The following NUDT7 variants were observed in gnomAD, a reference collection of about 807,000 sequenced individuals.
NUDT7 encodes peroxisomal coenzyme A diphosphatase NUDT7.
Under a neutral mutation model 13.1 loss-of-function variants are expected in NUDT7, and 19 were observed. That is an observed-to-expected ratio of 1.45 (90% confidence interval 1.01 to 2.13). The LOEUF (loss-of-function observed/expected upper bound fraction) is 2.13. Among genes scored for constraint, NUDT7 ranks in the 30% most tolerant of loss-of-function variants. NUDT7 has a pLI of 0.00. For synonymous variants in NUDT7, 132 were observed against 109.7 expected (o/e 1.20, Z -1.27); for missense variants, 360 against 291.7 (o/e 1.23, Z -1.71).
At chr16:77,733,530 T>A (rs1014295350) in intron 2 of NUDT7, among the ~76,000 whole-genome samples, 14 of 152,228 alleles carry the variant, frequency 9.2e-5, no homozygotes, top group African/African-American at 3.4e-4. Flanking sequence ...CATGGGAGAA[T>A]AAACATTCAG....
chr16:77,739,138 C>A (rs551948163), intron 3 of NUDT7, among the ~76,000 whole-genome samples: 3 of 152,286 alleles, frequency 2.0e-5, no homozygotes, highest in South Asian at 2.1e-4. Flanking sequence ...CTCACTGTTA[C>A]CAGATAGGGG....
chr16:77,733,421 C>G (rs536879782), intron 2 of NUDT7, among the ~76,000 whole-genome samples: 5 of 152,194 alleles, frequency 3.3e-5, no homozygotes, highest in Non-Finnish European at 5.9e-5. Flanking sequence ...GGGCATTCAT[C>G]TCATTGATGA....
At chr16:77,732,023 T>C (rs1003885479) in intron 2 of NUDT7, among the ~76,000 whole-genome samples, 6 of 152,076 alleles carry the variant, frequency 3.9e-5, no homozygotes, top group African/African-American at 1.4e-4. Context: ...TACAGTTAAT[T>C]TATTATTTAA....
rs2014464900 is a variant in NUDT7 at position 77,735,883 on chromosome 16, A to T, written c.245A>T (p.Asp82Val). The change falls in exon 3 of 4, where the codon GAC becomes GTC. Residue 82 changes from aspartate (D) to valine (V), a missense_variant. By Grantham distance (152) the Asp-to-Val change is radical. Transcript: ENST00000268533. ...CFPGGKRDPT[D>V]MDDAATALRE... The stretch of plus-strand genomic sequence containing the variant: ...CCTGGAGGTAAGCGTGACCCTACAG[A>T]CATGGATGATGCAGCCACAGCTCTC... 6.2e-7 allele frequency: 1 copy of T among 1,614,098 alleles called. No individual in the cohort carries two copies. Among genetic ancestry groups the T allele is most frequent in the East Asian group, 2.2e-5 (1 of 44,880 alleles).
intron 2 of NUDT7, among the ~76,000 whole-genome samples, chr16:77,728,709 G>A (rs766840204): frequency 6.6e-6 from 1 of 152,112 alleles, no homozygotes; most frequent in Non-Finnish European, 1.5e-5. Context: ...CTATGTTTTC[G>A]TTATCTCCTT....
At chr16:77,741,396 T>G (rs1008722364) in intron 3 of NUDT7, 186 bp from the exon 4 acceptor site, 1 of 563,050 alleles carries the variant, frequency 1.8e-6, no homozygotes, top group Non-Finnish European at 3.1e-6. Flanking sequence ...CTCATAGATG[T>G]CACCTCAGGT....
At chr16:77,738,725 CCTATGTATGTACCCG>C (rs2014566914) in intron 3 of NUDT7, among the ~76,000 whole-genome samples, 1 of 152,186 alleles carries the variant, frequency 6.6e-6, no homozygotes, top group South Asian at 2.1e-4. Flanking sequence ...TATGTATGCA[CCTATGTATGTACCCG>C]CTACATAAGC....
chr16:77,724,978 GT>G lies in NUDT7; in HGVS notation c.36-452del, dbSNP rs554172593. ...GTCTATGTGACAGCCAGCGCTCCAG[GT>G]GATTCTGTTGCTGCTAAAGCTTGGG... is the stretch of plus-strand genomic sequence containing the variant. On this transcript the variant is annotated intron_variant, in intron 1 of 3. Transcript: ENST00000268533. Among the ~76,000 whole-genome samples the G allele has an allele frequency of 4.6e-3, 702 of 152,286 alleles. 3 individuals are homozygous for G. The highest frequency in any genetic ancestry group is 0.016 in the African/African-American group (664 of 41,554).
At chr16:77,736,602 A>G in intron 3 of NUDT7, 1 of 197,246 alleles carries the variant, frequency 5.1e-6, no homozygotes, top group Non-Finnish European at 1.1e-5. Flanking sequence ...TGAATTTTGG[A>G]GCTGAGATAA....
At chr16:77,733,474 C>G (rs1226493888) in intron 2 of NUDT7, among the ~76,000 whole-genome samples, 7 of 152,232 alleles carry the variant, frequency 4.6e-5, no homozygotes. Flanking sequence ...AAGATCCCAC[C>G]TCCTAATACC....
intron 1 of NUDT7, among the ~76,000 whole-genome samples, chr16:77,723,026 G>A (rs561068254): frequency 2.0e-5 from 3 of 152,192 alleles, no homozygotes; most frequent in Admixed American, 6.5e-5. Context: ...GCCTGGAGGT[G>A]ACCCTGTGAT....
In NUDT7 at chr16:77,735,410, C is replaced by G. The variant is rs1455060549; in HGVS notation, c.190-418C>G. On this transcript the variant is annotated intron_variant, in intron 2 of 3. Transcript: ENST00000268533. ...CCGCTCCAGCCATGTGAAGTGCTTGCTCCTCCTTTACCTTCCGCCATGATT... is the reference window on the plus strand; with the variant it reads ...CCGCTCCAGCCATGTGAAGTGCTTGGTCCTCCTTTACCTTCCGCCATGATT... 4.9e-6 allele frequency: 3 copies of G among 610,782 alleles called. No homozygotes were observed. In the East Asian group the frequency reaches 8.4e-5, roughly 17 times the overall value. 37.8% of individuals were successfully genotyped at this position (610,782 alleles called of 1,614,324 possible). A position where few individuals can be genotyped will look rare whatever the true frequency, so the allele number is the denominator to read the frequency against.
chr16:77,741,238 G>A (rs2145132014), intron 3 of NUDT7, among the ~76,000 whole-genome samples: 1 of 152,274 alleles, frequency 6.6e-6, no homozygotes, highest in South Asian at 2.1e-4. Context: ...TTATACTTGT[G>A]TCTTTTCTTA....
intron 1 of NUDT7, 146 bp from the exon 2 acceptor site, chr16:77,725,285 T>C: frequency 1.5e-6 from 1 of 668,784 alleles, no homozygotes; most frequent in Non-Finnish European, 2.4e-6. Context: ...GATAGTATCA[T>C]TTCTGTCGTG....
At chr16:77,740,173 G>A (rs886182027) in intron 3 of NUDT7, among the ~76,000 whole-genome samples, 1 of 152,132 alleles carries the variant, frequency 6.6e-6, no homozygotes, top group African/African-American at 2.4e-5. Context: ...CTGCCCCAAG[G>A]ACATACGAAG....
At chr16:77,728,381 C>T (rs867641235) in intron 2 of NUDT7, among the ~76,000 whole-genome samples, 20 of 152,234 alleles carry the variant, frequency 1.3e-4, no homozygotes, top group South Asian at 1.2e-3. Flanking sequence ...TACAGGTGCA[C>T]GCCACCACGC....
At chr16:77,734,502 A>G (rs1339172210) in intron 2 of NUDT7, among the ~76,000 whole-genome samples, 1 of 152,172 alleles carries the variant, frequency 6.6e-6, no homozygotes, top group Non-Finnish European at 1.5e-5. Flanking sequence ...GGGCACCTGT[A>G]GTCCCAGCTA....
At chr16:77,739,087 G>T (rs983858160) in intron 3 of NUDT7, among the ~76,000 whole-genome samples, 14 of 152,182 alleles carry the variant, frequency 9.2e-5, no homozygotes, top group African/African-American at 2.9e-4. Context: ...CTCTGTCCAG[G>T]CCCCTTCATA....
At position 77,734,373 on chromosome 16, in the gene NUDT7, C is replaced by T. The variant is rs2014411360; in HGVS notation, c.190-1455C>T. On this transcript the variant is annotated intron_variant, in intron 2 of 3. Coordinates refer to ENST00000268533, the MANE Select transcript of NUDT7 (RefSeq NM_001105663.3). Reference sequence around the variant, plus strand: ...GTGCGGTGGCTCACGCCTGTAATGCCAGCACTTTGGGAGGCCGAGGAGGGC... The same window carrying T: ...GTGCGGTGGCTCACGCCTGTAATGCTAGCACTTTGGGAGGCCGAGGAGGGC... Among the ~76,000 whole-genome samples the T allele has an allele frequency of 2.0e-5, 3 of 152,212 alleles. No homozygotes were observed. The South Asian group carries it at 6.2e-4, about 32-fold the overall frequency.
Sources: gnomAD v4.1 joint callset for allele counts (sites outside exome capture counted in the v4.1 genomes callset) on GRCh38, gnomAD v4.1.1 for gene constraint, MANE v1.5 for transcripts, NCBI Gene and HGNC (gene_info 2026-07-23, HGNC 2026-07-21) for gene names.